Variants in CLDN10 observed in about 807,000 individuals in gnomAD.
The protein encoded by CLDN10 is claudin-10.
Under a neutral mutation model 22.9 loss-of-function variants are expected in CLDN10, and 15 were observed. The observed-to-expected ratio is 0.65, with a 90% CI of 0.44 to 1.01. CLDN10 has a LOEUF of 1.01. CLDN10 is among the 50% of genes least tolerant of loss of function. The pLI is 0.00. For synonymous variants in CLDN10, 114 were observed against 111.4 expected (o/e 1.02, Z -0.15); for missense variants, 247 against 287.8 (o/e 0.86, Z 1.03).
intron 1 of CLDN10, among the ~76,000 whole-genome samples, chr13:95,517,722 G>A (rs2138577581): frequency 6.6e-6 from 1 of 152,142 alleles, no homozygotes; most frequent in South Asian, 2.1e-4. Flanking sequence ...GATCACCTGA[G>A]GTCAGGAGTT....
chr13:95,517,194 T>C (rs868181200), intron 1 of CLDN10, among the ~76,000 whole-genome samples: 2 of 152,172 alleles, frequency 1.3e-5, no homozygotes, highest in East Asian at 1.9e-4. Context: ...TAAATTTTTC[T>C]CTTTCCTAAC....
chr13:95,439,266 C>T (rs1291198046), intron 1 of CLDN10, among the ~76,000 whole-genome samples: 1 of 152,032 alleles, frequency 6.6e-6, no homozygotes, highest in Admixed American at 6.6e-5. Flanking sequence ...GTGGTGAGGG[C>T]CCATAGACGG....
At chr13:95,435,722 G>T (rs1169568881) in intron 1 of CLDN10, among the ~76,000 whole-genome samples, 2 of 152,078 alleles carry the variant, frequency 1.3e-5, no homozygotes, top group African/African-American at 4.8e-5. Context: ...CTTTCTCCAG[G>T]GGCCCCTCTT....
chr13:95,469,240 A>C (rs74106171), intron 1 of CLDN10, among the ~76,000 whole-genome samples: 8,530 of 151,958 alleles, frequency 0.056, 784 homozygotes, highest in African/African-American at 0.19. Flanking sequence ...CAGGTATTTT[A>C]GCCAACTATG....
At chr13:95,456,969 C>A (rs569425469) in intron 1 of CLDN10, among the ~76,000 whole-genome samples, 16 of 152,080 alleles carry the variant, frequency 1.1e-4, no homozygotes, top group African/African-American at 3.6e-4. Context: ...ATATGTAAGA[C>A]AGATGGAGTC....
In CLDN10 at chr13:95,458,285, CTTG is replaced by C. The variant is rs1347573092; in HGVS notation, c.214+24244_214+24246del. 5.3e-5 allele frequency among the ~76,000 whole-genome samples: 8 copies of C among 152,176 alleles called. No homozygotes were observed. In the East Asian group the frequency reaches 1.5e-3, roughly 29 times the overall value. Reference sequence around the variant, plus strand: ...AAATAGCCTCCGTGTTTTTGTTGTTCTTGTTGTTTTGTTTTTTGAGACAAAGTG... The same window carrying C: ...AAATAGCCTCCGTGTTTTTGTTGTTCTTGTTTTGTTTTTTGAGACAAAGTG... On this transcript the variant is annotated intron_variant, in intron 1 of 4. Transcript: ENST00000376873.
intron 1 of CLDN10, among the ~76,000 whole-genome samples, chr13:95,539,921 G>A (rs954689339): frequency 1.3e-5 from 2 of 152,172 alleles, no homozygotes; most frequent in African/African-American, 4.8e-5. Context: ...TTGGGAGGTC[G>A]AGGTGGGCAG....
At chr13:95,543,063 C>A (rs1343871874) in intron 1 of CLDN10, among the ~76,000 whole-genome samples, 1 of 152,086 alleles carries the variant, frequency 6.6e-6, no homozygotes, top group Non-Finnish European at 1.5e-5. Context: ...GAAACCCTGT[C>A]TCTACTAAAA....
chr13:95,575,212 CAGAG>C (rs761889436), intron 3 of CLDN10, among the ~76,000 whole-genome samples: 1 of 152,078 alleles, frequency 6.6e-6, no homozygotes, highest in African/African-American at 2.4e-5. Context: ...GGGAAAAAAA[CAGAG>C]AAAAATAGAA....
intron 1 of CLDN10, among the ~76,000 whole-genome samples, chr13:95,435,047 T>C (rs2042254632): frequency 6.6e-6 from 1 of 152,206 alleles, no homozygotes; most frequent in Admixed American, 6.5e-5. Context: ...CAAGCTTTCA[T>C]CGTTGTGCAT....
chr13:95,515,224 A>T (rs1240260908), intron 1 of CLDN10, among the ~76,000 whole-genome samples: 1 of 152,022 alleles, frequency 6.6e-6, no homozygotes, highest in African/African-American at 2.4e-5. Context: ...TTTGAGACAG[A>T]GTCTCATTCT....
chr13:95,445,758 T>A (rs1319165086), intron 1 of CLDN10, among the ~76,000 whole-genome samples: 1 of 152,208 alleles, frequency 6.6e-6, no homozygotes, highest in Non-Finnish European at 1.5e-5. Context: ...TTTAATTTTT[T>A]TTTAGCTGTG....
intron 1 of CLDN10, among the ~76,000 whole-genome samples, chr13:95,558,747 G>A (rs532568792): frequency 6.6e-6 from 1 of 152,102 alleles, no homozygotes. Context: ...GCATTACAGC[G>A]AGACACTGTC....
At chr13:95,442,742 G>A (rs1210485892) in intron 1 of CLDN10, among the ~76,000 whole-genome samples, 4 of 152,082 alleles carry the variant, frequency 2.6e-5, no homozygotes, top group African/African-American at 9.7e-5. Context: ...TTAATATATG[G>A]GTTTGAATCA....
chr13:95,512,567 T>G (rs1405983871), intron 1 of CLDN10, among the ~76,000 whole-genome samples: 1 of 152,172 alleles, frequency 6.6e-6, no homozygotes, highest in African/African-American at 2.4e-5. Flanking sequence ...GGACTGTATC[T>G]TAGTTTGTGC....
intron 1 of CLDN10, among the ~76,000 whole-genome samples, chr13:95,536,929 CTG>C (rs1429621467): frequency 6.6e-6 from 1 of 152,272 alleles, no homozygotes; most frequent in African/African-American, 2.4e-5. Flanking sequence ...TTCACAGCTG[CTG>C]TAAGTTAATG....
intron 1 of CLDN10, among the ~76,000 whole-genome samples, chr13:95,490,601 C>A (rs1406830954): frequency 1.3e-5 from 2 of 152,132 alleles, no homozygotes; most frequent in Admixed American, 6.6e-5. Flanking sequence ...GAGTTGAATT[C>A]CAGTTTTATT....
chr13:95,515,757 G>A (rs1025872560), intron 1 of CLDN10, among the ~76,000 whole-genome samples: 2 of 152,180 alleles, frequency 1.3e-5, no homozygotes, highest in Non-Finnish European at 2.9e-5. Context: ...CGCGAGCCCA[G>A]AGGAAGGCGC....
chr13:95,452,150 C>T lies in CLDN10; in HGVS notation c.214+18103C>T, dbSNP rs575164972. 8.5e-5 allele frequency among the ~76,000 whole-genome samples: 13 copies of T among 152,206 alleles called. 1 individual carries two copies. The highest frequency in any genetic ancestry group is 2.0e-4 in the Admixed American group (3 of 15,286). On this transcript the variant is annotated intron_variant, in intron 1 of 4. Transcript: ENST00000376873. ...ACCAATTGTTATCAATGGCAATTTC[C>T]GAAACATACCCTTTTGAAATTTGGG...
Sources: allele counts gnomAD v4.1 joint callset (sites outside exome capture counted in the v4.1 genomes callset), GRCh38; gene constraint gnomAD v4.1.1; transcripts MANE v1.5; gene names NCBI Gene and HGNC (gene_info 2026-07-23, HGNC 2026-07-21).